The following TOX variants were observed in gnomAD, a reference collection of about 807,000 sequenced individuals.
TOX encodes the protein thymocyte selection-associated high mobility group box protein TOX.
In TOX, 11 loss-of-function variants were observed where a neutral mutation model predicts 53.7. That is an observed-to-expected ratio of 0.20 (90% CI 0.13 to 0.34). The LOEUF (loss-of-function observed/expected upper bound fraction) is 0.34. TOX is among the 10% of genes least tolerant of loss of function. The pLI is 1.00. For missense variants in TOX, 570 were observed against 664.6 expected (o/e 0.86, Z 1.56); for synonymous variants, 225 against 245.3 (o/e 0.92, Z 0.77).
intron 1 of TOX, among the ~76,000 whole-genome samples, chr8:59,104,144 T>C (rs1172287996): frequency 1.3e-5 from 2 of 152,220 alleles, no homozygotes; most frequent in African/African-American, 2.4e-5. Flanking sequence ...ACATTGTTAC[T>C]AGAAATGAAC....
intron 1 of TOX, among the ~76,000 whole-genome samples, chr8:58,989,370 G>C (rs1475185851): frequency 6.6e-6 from 1 of 152,032 alleles, no homozygotes; most frequent in Non-Finnish European, 1.5e-5. Context: ...TTAGTGCATG[G>C]TGTTATAAAG....
At chr8:58,856,362 A>G (rs1810915958) in intron 3 of TOX, among the ~76,000 whole-genome samples, 1 of 151,914 alleles carries the variant, frequency 6.6e-6, no homozygotes, top group African/African-American at 2.4e-5. Flanking sequence ...GCATTTTTCA[A>G]TCCCTCTTGA....
chr8:59,077,677 T>C (rs1804315555), intron 1 of TOX, among the ~76,000 whole-genome samples: 1 of 151,978 alleles, frequency 6.6e-6, no homozygotes, highest in South Asian at 2.1e-4. Flanking sequence ...ACTAAAACTT[T>C]TCCAGACGAA....
intron 1 of TOX, among the ~76,000 whole-genome samples, chr8:59,021,481 A>AAAAAAATAT (rs59174995): frequency 4.6e-5 from 3 of 64,736 alleles, no homozygotes; most frequent in Non-Finnish European, 6.2e-5. Context: ...AAAAAAAAAA[A>AAAAAAATAT]ATATATATAT....
rs1035547207 is a variant in TOX, at chr8:59,073,313, A to G, written c.102+45573T>C. ...TGAAATTTGTTCAGATTCCATAACC[A>G]TTGTAACTTATGCATTTTGTTAAAC... is the stretch of plus-strand genomic sequence containing the variant. On this transcript the variant is annotated intron_variant, in intron 1 of 8. Coordinates refer to ENST00000361421, the MANE Select transcript of TOX (RefSeq NM_014729.3). 3.3e-5 allele frequency among the ~76,000 whole-genome samples: 5 copies of G among 152,140 alleles called. No homozygotes were observed. The South Asian group carries it at 1.0e-3, about 32-fold the overall frequency.
intron 1 of TOX, among the ~76,000 whole-genome samples, chr8:59,049,212 C>T (rs866067380): frequency 6.6e-6 from 1 of 152,008 alleles, no homozygotes; most frequent in African/African-American, 2.4e-5. Flanking sequence ...AACTTAGGGA[C>T]CAAAAAATCA....
chr8:58,853,112 G>C (rs115727013), intron 3 of TOX, among the ~76,000 whole-genome samples: 1 of 152,036 alleles, frequency 6.6e-6, no homozygotes, highest in Non-Finnish European at 1.5e-5. Context: ...GTTCTTCTCC[G>C]GAACGCATTT....
chr8:59,117,293 T>C lies in TOX; in HGVS notation c.102+1593A>G, dbSNP rs1460524288. 6.6e-6 allele frequency among the ~76,000 whole-genome samples: 1 copy of C among 152,210 alleles called. No homozygotes were observed. The highest frequency in any genetic ancestry group is 1.5e-5 in the Non-Finnish European group (1 of 68,034). ...AAAACAGATTTTAGACTAAAAGAAC[T>C]ATGTCACCAGCAAATAATGAAACTT... On this transcript the variant is annotated intron_variant, in intron 1 of 8. Transcript: ENST00000361421. The surrounding 1 kb of genome is among the most constrained non-coding windows in gnomAD (Gnocchi z 4.6).
At chr8:59,040,412 C>G (rs1803559559) in intron 1 of TOX, among the ~76,000 whole-genome samples, 1 of 151,362 alleles carries the variant, frequency 6.6e-6, no homozygotes. Flanking sequence ...CTTAGACCAT[C>G]AGCAGCAACT....
Position 59,081,993 on chromosome 8 carries a change from T to C in TOX, c.102+36893A>G, listed in dbSNP as rs575088438. On this transcript the variant is annotated intron_variant, in intron 1 of 8. Transcript: ENST00000361421. ...GGGGAAAAATAATAAAAAATTTAGT[T>C]GAATATTTGTCAACTAAAGCAGTGA... 5.0e-4 allele frequency among the ~76,000 whole-genome samples: 76 copies of C among 152,318 alleles called. No homozygotes were observed. The South Asian group carries it at 0.014, about 28-fold the overall frequency.
chr8:58,935,759 G>A (rs913095335), intron 3 of TOX, among the ~76,000 whole-genome samples: 5 of 152,178 alleles, frequency 3.3e-5, no homozygotes, highest in African/African-American at 9.7e-5. Flanking sequence ...TATTAGCCAT[G>A]AGCAAACTTG....
chr8:59,037,708 A>G (rs1458084839), intron 1 of TOX, among the ~76,000 whole-genome samples: 2 of 150,894 alleles, frequency 1.3e-5, no homozygotes, highest in Non-Finnish European at 2.9e-5. Context: ...GGGCTGAAGC[A>G]GGAGAATTGC....
At chr8:58,910,286 C>G (rs1242159832) in intron 3 of TOX, among the ~76,000 whole-genome samples, 4 of 152,144 alleles carry the variant, frequency 2.6e-5, no homozygotes, top group African/African-American at 9.7e-5. Context: ...TTACCAACTA[C>G]TTTGGATTTT....
At chr8:58,877,410 G>GGGAAT (rs1294949133) in intron 3 of TOX, among the ~76,000 whole-genome samples, 1 of 152,178 alleles carries the variant, frequency 6.6e-6, no homozygotes, top group Non-Finnish European at 1.5e-5. Context: ...TAGCACCAGA[G>GGGAAT]GGAATGTGTG....
At position 58,807,499 on chromosome 8, in the gene TOX, A is replaced by G; in HGVS notation, c.*248T>C. Reference sequence around the variant, plus strand: ...CGCAGCACTTCACAGCAAAAAACCAACATAAAATCTGAATGGTCCAAATTT... The same window carrying G: ...CGCAGCACTTCACAGCAAAAAACCAGCATAAAATCTGAATGGTCCAAATTT... On this transcript the variant is annotated 3_prime_UTR_variant, in exon 9 of 9. Transcript: ENST00000361421. 1 of 442,568 alleles carries G rather than the reference A, an allele frequency of 2.3e-6. No homozygotes were observed. The highest frequency in any genetic ancestry group is 4.1e-6 in the Non-Finnish European group (1 of 246,192). The allele number at this position is 442,568 out of a possible 1,614,324, so 27.4% of individuals were successfully genotyped here. A position where few individuals can be genotyped will look rare whatever the true frequency, so the allele number is the denominator to read the frequency against.
chr8:58,976,435 C>T (rs1472861217), intron 1 of TOX, among the ~76,000 whole-genome samples: 4 of 152,216 alleles, frequency 2.6e-5, no homozygotes, highest in African/African-American at 7.2e-5. Context: ...ATTTCTACCA[C>T]ATCTACAGTT....
At chr8:58,999,623 G>A (rs1443191412) in intron 1 of TOX, among the ~76,000 whole-genome samples, 2 of 152,140 alleles carry the variant, frequency 1.3e-5, no homozygotes, top group Non-Finnish European at 2.9e-5. Context: ...GTAGGATGCT[G>A]GTACAGAAGA....
At chr8:59,104,771 C>G (rs1033511484) in intron 1 of TOX, among the ~76,000 whole-genome samples, 1 of 152,130 alleles carries the variant, frequency 6.6e-6, no homozygotes, top group Non-Finnish European at 1.5e-5. Flanking sequence ...GTAACTTTCC[C>G]CTTCTTCACT....
intron 1 of TOX, among the ~76,000 whole-genome samples, chr8:59,095,766 G>C (rs1472856703): frequency 6.6e-6 from 1 of 152,178 alleles, no homozygotes; most frequent in Non-Finnish European, 1.5e-5. Context: ...GGTGAAACAG[G>C]TTTGCATTTC....
Sources: allele counts gnomAD v4.1 joint callset (sites outside exome capture counted in the v4.1 genomes callset), GRCh38; gene constraint gnomAD v4.1.1; non-coding constraint Gnocchi (gnomAD v3.1); transcripts MANE v1.5; gene names NCBI Gene and HGNC (gene_info 2026-07-23, HGNC 2026-07-21).